The following CHIC1 variants were observed in gnomAD, a reference collection of about 807,000 sequenced individuals.
The protein encoded by CHIC1 is cysteine-rich hydrophobic domain-containing protein 1.
A neutral mutation model predicts 18.5 loss-of-function variants in CHIC1; 7 were observed. The ratio of observed to expected loss-of-function variants is 0.38; its 90% CI spans 0.22 to 0.71. The LOEUF (loss-of-function observed/expected upper bound fraction) is 0.71. Among genes scored for constraint, CHIC1 ranks in the 30% least tolerant of loss-of-function variants. The pLI, the probability that CHIC1 is intolerant of heterozygous loss-of-function variation, is 0.49. For missense variants in CHIC1, 159 were observed against 176.9 expected (o/e 0.90, Z 0.57); for synonymous variants, 77 against 73.5 (o/e 1.05, Z -0.25).
intron 3 of CHIC1, among the ~76,000 whole-genome samples, chrX:73,635,958 T>C (rs995448547): frequency 1.8e-5 from 2 of 111,856 alleles, no homozygotes; most frequent in Admixed American, 9.5e-5. Flanking sequence ...AACATCATTA[T>C]TGAAAGTGGT....
Position 73,563,368 on chromosome X carries a change from G to T in CHIC1, c.84G>T (p.Ser28=), listed in dbSNP as rs1386532053. ...AGGAGGAAGAAGAAGCGGCAACGTC[G>T]TCGTCGTCGCCGTCGTCGTCGTCGT... is the stretch of plus-strand genomic sequence containing the variant. ...EEEEEEEAAT[S]SSSPSSSSSV... The change falls in exon 1 of 6, where the codon TCG becomes TCT. Residue 28 remains serine, a synonymous_variant. Coordinates refer to ENST00000373502, the MANE Select transcript of CHIC1 (RefSeq NM_001039840.4). 1.8e-5 allele frequency: 21 copies of T among 1,153,527 alleles called. No individual in the cohort carries two copies. The highest frequency in any genetic ancestry group is 2.7e-5 in the Admixed American group (1 of 37,400).
chrX:73,672,448 A>G (rs1398534923), intron 3 of CHIC1, among the ~76,000 whole-genome samples: 1 of 111,782 alleles, frequency 8.9e-6, no homozygotes, highest in African/African-American at 3.3e-5. Flanking sequence ...CTGACTTTTT[A>G]ATGATCACCA....
chrX:73,606,352 T>G lies in CHIC1; in HGVS notation c.507+21780T>G, dbSNP rs1273659548. 1.9e-5 allele frequency among the ~76,000 whole-genome samples: 2 copies of G among 106,795 alleles called. 1 individual carries two copies. The highest frequency in any genetic ancestry group is 7.3e-5 in the African/African-American group (2 of 27,310). 92.7% of individuals were successfully genotyped at this position (106,795 alleles called of 115,157 possible). A position where few individuals can be genotyped will look rare whatever the true frequency, so the allele number is the denominator to read the frequency against. On this transcript the variant is annotated intron_variant, in intron 3 of 5. Transcript: ENST00000373502. ...CTCCATCAGCCCATTCATCTTCTTCTCTAAACTGGTTATTCTAGATAGCAA... is the reference window on the plus strand; with the variant it reads ...CTCCATCAGCCCATTCATCTTCTTCGCTAAACTGGTTATTCTAGATAGCAA...
In CHIC1 at chrX:73,686,938, A is replaced by G. The variant is rs2147640307; in HGVS notation, c.*5933A>G. On this transcript the variant is annotated 3_prime_UTR_variant, in exon 6 of 6. Transcript: ENST00000373502. ...AATTCATTTTTTCTCCCTTGAGTCCAGGAATGACTTCCCTGGAAAAACTCA... is the reference window on the plus strand; with the variant it reads ...AATTCATTTTTTCTCCCTTGAGTCCGGGAATGACTTCCCTGGAAAAACTCA... 1 of 111,675 alleles carries G rather than the reference A, an allele frequency of 9.0e-6. No homozygotes were observed. The highest frequency in any genetic ancestry group is 3.7e-4 in the South Asian group (1 of 2,710). The allele number at this position is 111,675 out of a possible 1,213,427, so 9.2% of individuals were successfully genotyped here. A position where few individuals can be genotyped will look rare whatever the true frequency, so the allele number is the denominator to read the frequency against.
rs1425052631 is a variant in CHIC1, at chrX:73,584,409, T to C, written c.352-8T>C. ...CCACAAACTGTTAAAGATTGTACCC[T>C]CTTGTAGGTGGCCCCAGAAGAATTT... On this transcript the variant is annotated splice_region_variant and splice_polypyrimidine_tract_variant and intron_variant, in intron 2 of 5. Transcript: ENST00000373502. 4 of 1,182,703 alleles carry C rather than the reference T, an allele frequency of 3.4e-6. No homozygotes were observed. Among genetic ancestry groups the C allele is most frequent in the Non-Finnish European group, 4.5e-6 (4 of 880,338 alleles).
At chrX:73,621,986 G>A (rs998303619) in intron 3 of CHIC1, among the ~76,000 whole-genome samples, 2 of 112,227 alleles carry the variant, frequency 1.8e-5, no homozygotes, top group East Asian at 5.6e-4. Context: ...CTGTTGATGT[G>A]ATGGATTACA....
At chrX:73,565,673 G>C (rs918077618) in intron 1 of CHIC1, among the ~76,000 whole-genome samples, 9 of 112,100 alleles carry the variant, frequency 8.0e-5, no homozygotes, top group African/African-American at 2.9e-4. Context: ...AACTGGATCT[G>C]AGAAATGGGT....
chrX:73,664,196 G>A (rs2057993808), intron 3 of CHIC1, among the ~76,000 whole-genome samples: 1 of 111,658 alleles, frequency 9.0e-6, no homozygotes, highest in African/African-American at 3.3e-5. Flanking sequence ...TACTTATGGG[G>A]TTGCTGTTTT....
At chrX:73,665,970 C>A (rs1298738267) in intron 3 of CHIC1, among the ~76,000 whole-genome samples, 3 of 111,688 alleles carry the variant, frequency 2.7e-5, no homozygotes, top group Non-Finnish European at 5.6e-5. Context: ...AGAGAGCAGT[C>A]CTGCAAACAA....
intron 2 of CHIC1, among the ~76,000 whole-genome samples, chrX:73,577,692 G>T (rs1358253623): frequency 9.1e-6 from 1 of 110,107 alleles, no homozygotes; most frequent in Non-Finnish European, 1.9e-5. Context: ...TGTCCGTTCA[G>T]CTTTTTCACT....
intron 3 of CHIC1, among the ~76,000 whole-genome samples, chrX:73,650,585 A>T (rs2057911204): frequency 9.1e-6 from 1 of 110,079 alleles, no homozygotes; most frequent in African/African-American, 3.3e-5. Context: ...TCTACAAGAA[A>T]TTGATAAACT....
At chrX:73,658,199 G>GCTCTT (rs1209799595) in intron 3 of CHIC1, among the ~76,000 whole-genome samples, 3 of 97,612 alleles carry the variant, frequency 3.1e-5, no homozygotes, top group African/African-American at 1.1e-4. Context: ...AATGGTACCA[G>GCTCTT]CTCTTCTTTG....
chrX:73,684,083 A>G lies in CHIC1; in HGVS notation c.*3078A>G, dbSNP rs1003963312. ...ATCATCCTTTTCAACTAGGTCTAAGAATACTTTACTAGTGTATTATCTTTT... is the reference window on the plus strand; with the variant it reads ...ATCATCCTTTTCAACTAGGTCTAAGGATACTTTACTAGTGTATTATCTTTT... On this transcript the variant is annotated 3_prime_UTR_variant, in exon 6 of 6. Transcript: ENST00000373502. 8.9e-5 allele frequency: 10 copies of G among 111,873 alleles called. No individual in the cohort carries two copies. Among genetic ancestry groups the G allele is most frequent in the Admixed American group, 1.9e-4 (2 of 10,440 alleles). 9.2% of individuals were successfully genotyped at this position (111,873 alleles called of 1,213,427 possible). A position where few individuals can be genotyped will look rare whatever the true frequency, so the allele number is the denominator to read the frequency against.
intron 3 of CHIC1, among the ~76,000 whole-genome samples, chrX:73,615,583 G>A (rs936627288): frequency 2.7e-5 from 3 of 111,615 alleles, no homozygotes; most frequent in African/African-American, 9.8e-5. Context: ...TAGCCTCCTA[G>A]GAGGAGTTCT....
chrX:73,582,554 A>G (rs1224928516), intron 2 of CHIC1, among the ~76,000 whole-genome samples: 1 of 110,301 alleles, frequency 9.1e-6, no homozygotes, highest in Non-Finnish European at 1.9e-5. Context: ...TTTGTTTATA[A>G]TGTAGTATAT....
intron 3 of CHIC1, among the ~76,000 whole-genome samples, chrX:73,641,206 G>C (rs1396821393): frequency 2.7e-5 from 3 of 110,987 alleles, no homozygotes; most frequent in Admixed American, 9.6e-5. Flanking sequence ...GTCTGAGATT[G>C]TGGTTGGTAT....
intron 5 of CHIC1, among the ~76,000 whole-genome samples, chrX:73,680,542 T>C (rs1268445351): frequency 8.9e-6 from 1 of 111,733 alleles, no homozygotes. Flanking sequence ...CTAATATCAG[T>C]TTCTTTAATT....
At chrX:73,637,306 T>C (rs1603346509) in intron 3 of CHIC1, among the ~76,000 whole-genome samples, 1 of 110,292 alleles carries the variant, frequency 9.1e-6, no homozygotes, top group African/African-American at 3.3e-5. Flanking sequence ...TTTTTTTTTT[T>C]TTTTGGTCTT....
intron 2 of CHIC1, among the ~76,000 whole-genome samples, chrX:73,581,756 A>G (rs996310724): frequency 6.3e-5 from 7 of 111,007 alleles, no homozygotes; most frequent in African/African-American, 9.8e-5. Context: ...TAATTCGTCT[A>G]TGGTAAGAAA....
Sources: gnomAD v4.1 joint callset for allele counts (sites outside exome capture counted in the v4.1 genomes callset) on GRCh38, gnomAD v4.1.1 for gene constraint, MANE v1.5 for transcripts, NCBI Gene and HGNC (gene_info 2026-07-23, HGNC 2026-07-21) for gene names.